LEO1: variants seen among roughly 807,000 people sequenced by gnomAD.
LEO1 encodes RNA polymerase-associated protein LEO1.
A neutral mutation model predicts 80.4 loss-of-function variants in LEO1; 34 were observed. That is an observed-to-expected ratio of 0.42 (90% CI 0.32 to 0.56). The LOEUF (loss-of-function observed/expected upper bound fraction) is 0.56. LEO1 is among the 20% of genes least tolerant of loss of function. The pLI is 0.10. For missense variants in LEO1, 631 were observed against 814.2 expected (o/e 0.77, Z 2.74); for synonymous variants, 262 against 274.9 (o/e 0.95, Z 0.46).
At position 51,954,628 on chromosome 15, in the gene LEO1, A is replaced by T; in HGVS notation, c.1246-53T>A. 3 of 1,201,888 alleles carry T rather than the reference A, an allele frequency of 2.5e-6. No individual in the cohort carries two copies. The South Asian group carries it at 3.6e-5, about 15-fold the overall frequency. 74.5% of individuals were successfully genotyped at this position (1,201,888 alleles called of 1,614,324 possible). ...AATTATAGTTTAAATGACTCTATGC[A>T]TCTTGTTTTTCCTCAAGAGGCACAT... is the stretch of plus-strand genomic sequence containing the variant. On this transcript the variant is annotated intron_variant, in intron 6 of 11. Coordinates refer to ENST00000299601, the MANE Select transcript of LEO1 (RefSeq NM_138792.4).
chr15:51,968,066 C>G (rs530192645), intron 1 of LEO1, among the ~76,000 whole-genome samples: 1 of 152,058 alleles, frequency 6.6e-6, no homozygotes, highest in South Asian at 2.1e-4. Context: ...CGCCTGTGAG[C>G]CCACTACTTG....
At position 51,958,830 on chromosome 15, in the gene LEO1, C is replaced by T. The variant is rs1223771062; in HGVS notation, c.1161-4G>A. ...ATAATACTGAGGATCAAAAGGTCTACAAATTGTTTTCCAAATAAACTATTA... is the reference window on the plus strand; with the variant it reads ...ATAATACTGAGGATCAAAAGGTCTATAAATTGTTTTCCAAATAAACTATTA... On this transcript the variant is annotated splice_polypyrimidine_tract_variant and splice_region_variant and intron_variant, in intron 5 of 11. Coordinates refer to ENST00000299601, the MANE Select transcript of LEO1 (RefSeq NM_138792.4). The T allele has an allele frequency of 4.0e-6, 6 of 1,516,410 alleles. No individual in the cohort carries two copies. The South Asian group carries it at 7.3e-5, about 18-fold the overall frequency. The allele number at this position is 1,516,410 out of a possible 1,614,324, so 93.9% of individuals were successfully genotyped here.
chr15:51,964,236 T>C (rs1478764543), intron 2 of LEO1, among the ~76,000 whole-genome samples: 1 of 151,946 alleles, frequency 6.6e-6, no homozygotes, highest in African/African-American at 2.4e-5. Context: ...TTCATGTCCT[T>C]TGCAGGGACA....
chr15:51,958,866 A>T (rs769459400), intron 5 of LEO1, 40 bp from the exon 6 acceptor site: 24 of 1,078,502 alleles, frequency 2.2e-5, no homozygotes, highest in Non-Finnish European at 3.3e-5. Context: ...ATCATATTTT[A>T]TAAAGAATAT....
chr15:51,944,869 C>T (rs1221140642), intron 11 of LEO1, among the ~76,000 whole-genome samples: 1 of 152,174 alleles, frequency 6.6e-6, no homozygotes, highest in Non-Finnish European at 1.5e-5. Flanking sequence ...AAAAGCCAGA[C>T]ATTTAAGATA....
At position 51,938,093 on chromosome 15, in the gene LEO1, A is replaced by G; in HGVS notation, c.*63T>C. Reference sequence around the variant, plus strand: ...AAATCGATTCATTTCAATCAAAATAACTCATGTTTACATATTTATAACTGT... The same window carrying G: ...AAATCGATTCATTTCAATCAAAATAGCTCATGTTTACATATTTATAACTGT... On this transcript the variant is annotated 3_prime_UTR_variant, in exon 12 of 12. Coordinates refer to ENST00000299601, the MANE Select transcript of LEO1 (RefSeq NM_138792.4). 1.3e-6 allele frequency: 1 copy of G among 765,312 alleles called. No homozygotes were observed. Among genetic ancestry groups the G allele is most frequent in the South Asian group, 1.8e-5 (1 of 55,126 alleles). The allele number at this position is 765,312 out of a possible 1,614,324, so 47.4% of individuals were successfully genotyped here.
chr15:51,945,262 C>CAAAAAAAAAACAAAAAAAAAAAA (rs2056889701), intron 11 of LEO1, among the ~76,000 whole-genome samples: 1 of 80,394 alleles, frequency 1.2e-5, no homozygotes, highest in Non-Finnish European at 2.3e-5. Flanking sequence ...ACAAAAAATA[C>CAAAAAAAAAACAAAAAAAAAAAA]AAAAAAAAAA....
Position 51,966,465 on chromosome 15 carries a change from T to A in LEO1, c.98A>T (p.Asn33Ile), listed in dbSNP as rs564460997. The A allele has an allele frequency of 1.3e-5, 21 of 1,612,478 alleles. No homozygotes were observed. The highest frequency in any genetic ancestry group is 1.8e-5 in the Non-Finnish European group (21 of 1,178,950). The part of the protein sequence containing the change: ...SGSDSDSDQE[N>I]AASGSNASGS... ...AGAGGCATTACTGCCAGAGGCAGCA[T>A]TCTCTTGATCAGAATCTGAGTCAGA... The change falls in exon 2 of 12, where the codon AAT (asparagine) becomes ATT (isoleucine). Residue 33 changes from asparagine (N) to isoleucine (I), a missense_variant. Asn to Ile is a moderately radical substitution (Grantham distance 149, BLOSUM62 -3). Coordinates refer to ENST00000299601, the MANE Select transcript of LEO1 (RefSeq NM_138792.4).
intron 2 of LEO1, among the ~76,000 whole-genome samples, chr15:51,964,163 G>GCA (rs2057055733): frequency 6.6e-6 from 1 of 151,546 alleles, no homozygotes; most frequent in African/African-American, 2.4e-5. Flanking sequence ...CTGAGATCAT[G>GCA]CCACTACACT....
At chr15:51,950,094 A>G (rs567039113) in intron 9 of LEO1, 100 bp from the exon 10 acceptor site, 156 of 1,035,762 alleles carry the variant, frequency 1.5e-4, no homozygotes, top group Non-Finnish European at 2.0e-4. Context: ...TCTGGTCCAG[A>G]TAACAGCTGT....
At chr15:51,952,071 C>A in intron 8 of LEO1, 92 bp from the exon 9 acceptor site, 1 of 1,142,648 alleles carries the variant, frequency 8.8e-7, no homozygotes, top group Admixed American at 2.3e-5. Flanking sequence ...AGCCCAGTGA[C>A]CATTTCCTAG....
intron 1 of LEO1, among the ~76,000 whole-genome samples, chr15:51,970,327 G>C (rs61174893): frequency 2.0e-4 from 31 of 152,188 alleles, no homozygotes; most frequent in African/African-American, 6.5e-4. Context: ...CTGGCTAACA[G>C]TTTGTATTTT....
At chr15:51,968,727 G>T (rs1007848353) in intron 1 of LEO1, among the ~76,000 whole-genome samples, 4 of 151,946 alleles carry the variant, frequency 2.6e-5, no homozygotes, top group African/African-American at 7.3e-5. Context: ...TACTTGGGAG[G>T]CTGAAGCAGA....
chr15:51,943,747 G>A (rs1283357901), intron 11 of LEO1, among the ~76,000 whole-genome samples: 1 of 126,196 alleles, frequency 7.9e-6, no homozygotes, highest in Non-Finnish European at 1.7e-5. Flanking sequence ...GTATTAGCAA[G>A]ACAGAATATC....
At chr15:51,952,099 C>T (rs2056953966) in intron 8 of LEO1, 120 bp from the exon 9 acceptor site, 1 of 773,378 alleles carries the variant, frequency 1.3e-6, no homozygotes, top group South Asian at 2.1e-5. Flanking sequence ...AAAAAATAGG[C>T]AGAGACACTC....
intron 8 of LEO1, among the ~76,000 whole-genome samples, chr15:51,952,822 G>A (rs1427844391): frequency 6.6e-6 from 1 of 152,196 alleles, no homozygotes; most frequent in Non-Finnish European, 1.5e-5. Flanking sequence ...GGACACACTG[G>A]CTAGCAGACA....
chr15:51,959,772 A>G (rs1316423869), intron 5 of LEO1, 127 bp downstream of exon 5: 1 of 851,296 alleles, frequency 1.2e-6, no homozygotes, highest in African/African-American at 1.7e-5. Flanking sequence ...TGCTTGACTA[A>G]TTTTTTCAGA....
intron 6 of LEO1, 44 bp downstream of exon 6, chr15:51,958,698 T>G: frequency 5.6e-6 from 7 of 1,256,446 alleles, no homozygotes; most frequent in Non-Finnish European, 6.9e-6. Flanking sequence ...ATCTCCAGGT[T>G]TTACTTTATA....
chr15:51,960,884 C>T (rs2057024738), intron 3 of LEO1, 151 bp from the exon 4 acceptor site: 1 of 600,282 alleles, frequency 1.7e-6, no homozygotes, highest in Non-Finnish European at 3.0e-6. Flanking sequence ...AAGACCCAAC[C>T]AGAGAGTGTG....
Sources: allele counts gnomAD v4.1 joint callset (sites outside exome capture counted in the v4.1 genomes callset), GRCh38; gene constraint gnomAD v4.1.1; transcripts MANE v1.5; gene names NCBI Gene and HGNC (gene_info 2026-07-23, HGNC 2026-07-21).